The following METTL15 variants were observed in gnomAD, a reference collection of about 807,000 sequenced individuals.
METTL15 encodes the protein methyltransferase 15, mitochondrial 12S rRNA N4-cytidine.
In METTL15, 34 loss-of-function variants were observed where a neutral mutation model predicts 38.3. The ratio of observed to expected loss-of-function variants is 0.89; its 90% confidence interval spans 0.68 to 1.18. The LOEUF (loss-of-function observed/expected upper bound fraction) is 1.18, where lower values mean the gene tolerates loss of function less well. METTL15 is among the 50% of genes most tolerant of loss of function. METTL15 has a pLI of 0.00. For synonymous variants in METTL15, 162 were observed against 170.9 expected (o/e 0.95, Z 0.41); for missense variants, 438 against 498.4 (o/e 0.88, Z 1.15).
At chr11:28,401,981 A>T (rs1005757738) in intron 5 of METTL15, among the ~76,000 whole-genome samples, 4 of 151,788 alleles carry the variant, frequency 2.6e-5, no homozygotes. Context: ...TAACATAAAA[A>T]CTCTCACCTA....
At chr11:28,186,369 G>C (rs573904584) in intron 3 of METTL15, among the ~76,000 whole-genome samples, 1 of 151,106 alleles carries the variant, frequency 6.6e-6, no homozygotes. Flanking sequence ...AACAAAAAAT[G>C]ATTTTATGTC....
At chr11:28,133,285 A>G (rs781750809) in intron 3 of METTL15, among the ~76,000 whole-genome samples, 4 of 152,330 alleles carry the variant, frequency 2.6e-5, no homozygotes, top group South Asian at 4.1e-4. Context: ...GTTTTTTACT[A>G]CAATGGCAGG....
chr11:28,406,022 T>C (rs79960235), intron 5 of METTL15, among the ~76,000 whole-genome samples: 2 of 152,148 alleles, frequency 1.3e-5, no homozygotes, highest in African/African-American at 4.8e-5. Flanking sequence ...CTTGTAGTAT[T>C]GTTTGGAGTC....
intron 4 of METTL15, among the ~76,000 whole-genome samples, chr11:28,214,059 T>C (rs1852760882): frequency 6.6e-6 from 1 of 152,162 alleles, no homozygotes; most frequent in Admixed American, 6.5e-5. Flanking sequence ...TTTTTTTTAT[T>C]GGAGACAAGT....
At chr11:28,135,310 T>C (rs1462352436) in intron 3 of METTL15, among the ~76,000 whole-genome samples, 1 of 152,178 alleles carries the variant, frequency 6.6e-6, no homozygotes, top group African/African-American at 2.4e-5. Context: ...AAGTTGGCTT[T>C]AATGGAACTC....
intron 5 of METTL15, among the ~76,000 whole-genome samples, chr11:28,403,353 T>A (rs1850646505): frequency 1.3e-5 from 2 of 152,010 alleles, no homozygotes; most frequent in Admixed American, 6.6e-5. Flanking sequence ...TTTAGTTTCC[T>A]TGTCTGTAAA....
chr11:28,255,763 GC>G (rs1290572338), intron 4 of METTL15, among the ~76,000 whole-genome samples: 1 of 152,162 alleles, frequency 6.6e-6, no homozygotes, highest in African/African-American at 2.4e-5. Context: ...GAGTGTAATG[GC>G]ACGACCTTGG....
At chr11:28,393,486 A>C (rs983719688) in intron 5 of METTL15, among the ~76,000 whole-genome samples, 2 of 152,104 alleles carry the variant, frequency 1.3e-5, no homozygotes, top group Non-Finnish European at 2.9e-5. Flanking sequence ...TGTTGATGTT[A>C]GATGCCAGCT....
intron 3 of METTL15, among the ~76,000 whole-genome samples, chr11:28,130,575 G>A (rs1161563640): frequency 2.0e-5 from 3 of 151,898 alleles, no homozygotes; most frequent in Non-Finnish European, 4.4e-5. Flanking sequence ...GTTAGAATAC[G>A]TTGAGCTGAT....
intron 5 of METTL15, among the ~76,000 whole-genome samples, chr11:28,378,227 G>A (rs942896346): frequency 2.0e-5 from 3 of 152,214 alleles, no homozygotes; most frequent in South Asian, 2.1e-4. Context: ...AAGCAAGCTT[G>A]GGCAATGGCG....
intron 3 of METTL15, among the ~76,000 whole-genome samples, chr11:28,127,865 A>G (rs932839423): frequency 1.4e-4 from 21 of 152,284 alleles, no homozygotes; most frequent in Admixed American, 3.3e-4. Flanking sequence ...TTGCCAGCTT[A>G]GTAACCATGA....
chr11:28,166,429 T>C (rs1343681291), intron 3 of METTL15, among the ~76,000 whole-genome samples: 1 of 152,192 alleles, frequency 6.6e-6, no homozygotes, highest in East Asian at 1.9e-4. Context: ...AGAAATGTCA[T>C]GGTAAAAGTA....
At chr11:28,162,187 G>A (rs1305417197) in intron 3 of METTL15, among the ~76,000 whole-genome samples, 1 of 152,044 alleles carries the variant, frequency 6.6e-6, no homozygotes, top group East Asian at 1.9e-4. Context: ...TTTGGATAGA[G>A]GTTCAGGCAG....
intron 4 of METTL15, among the ~76,000 whole-genome samples, chr11:28,225,492 C>G (rs1232555170): frequency 6.6e-6 from 1 of 151,384 alleles, no homozygotes; most frequent in African/African-American, 2.4e-5. Flanking sequence ...ATAGATATCA[C>G]TCATTTTCTT....
intron 3 of METTL15, among the ~76,000 whole-genome samples, chr11:28,179,016 T>C (rs1176536040): frequency 6.6e-6 from 1 of 151,830 alleles, no homozygotes; most frequent in African/African-American, 2.4e-5. Flanking sequence ...TTATACTATT[T>C]GTAATCTGTT....
chr11:28,526,199 C>T, intron 6 of METTL15, among the ~76,000 whole-genome samples: 1 of 152,222 alleles, frequency 6.6e-6, no homozygotes, highest in East Asian at 1.9e-4. Context: ...AGGGAGCCGG[C>T]TTCAGCCTCA....
chr11:28,330,695 C>T lies in METTL15; in HGVS notation c.1078C>T (p.His360Tyr). ...VMKTSQLGSD[H>Y]ENTEEVSMRR... ...GAAAACATCTCAATTGGGTTCAGAT[C>T]ACGAAAACACGGAAGAAGTCTCTAT... Residue 360 changes from histidine to tyrosine, a missense_variant, in exon 7 of 7, where the codon CAC becomes TAC. His to Tyr is a moderately conservative substitution (Grantham distance 83). Transcript: ENST00000407364. 6.4e-7 allele frequency: 1 copy of T among 1,551,458 alleles called. No homozygotes were observed. Among genetic ancestry groups the T allele is most frequent in the Non-Finnish European group, 8.7e-7 (1 of 1,146,800 alleles).
At chr11:28,161,338 T>TC (rs1850457589) in intron 3 of METTL15, among the ~76,000 whole-genome samples, 1 of 151,954 alleles carries the variant, frequency 6.6e-6, no homozygotes. Context: ...CTAGGCTGGC[T>TC]CCAACTCCTG....
In METTL15 at chr11:28,225,810, T is replaced by A. The variant is rs528961310; in HGVS notation, c.407+14612T>A. Reference sequence around the variant, plus strand: ...ACCCTTATTTCTATTTTCTACCCTATGAGCCCTCATTATTTGTTGGTTAGA... The same window carrying A: ...ACCCTTATTTCTATTTTCTACCCTAAGAGCCCTCATTATTTGTTGGTTAGA... On this transcript the variant is annotated intron_variant, in intron 4 of 6. Coordinates refer to ENST00000407364, the MANE Select transcript of METTL15 (RefSeq NM_001113528.2). 3.9e-5 allele frequency among the ~76,000 whole-genome samples: 6 copies of A among 151,990 alleles called. No individual in the cohort carries two copies. In the East Asian group the frequency reaches 9.7e-4, roughly 24 times the overall value.
Sources: allele counts gnomAD v4.1 joint callset (sites outside exome capture counted in the v4.1 genomes callset), GRCh38; gene constraint gnomAD v4.1.1; transcripts MANE v1.5; gene names NCBI Gene and HGNC (gene_info 2026-07-23, HGNC 2026-07-21).